Variants in CCDC178 observed in about 807,000 individuals in gnomAD.
The protein encoded by CCDC178 is coiled-coil domain-containing protein 178.
In CCDC178, 126 loss-of-function variants were observed where a neutral mutation model predicts 117.4. That is an observed-to-expected ratio of 1.07 (90% CI 0.93 to 1.24). CCDC178 has a LOEUF of 1.24. Among genes scored for constraint, CCDC178 ranks in the 50% most tolerant of loss-of-function variants. CCDC178 has a pLI of 0.00. For missense variants in CCDC178, 1,030 were observed against 986.9 expected (o/e 1.04, Z -0.59); for synonymous variants, 283 against 313.4 (o/e 0.90, Z 1.02).
intron 7 of CCDC178, 69 bp from the exon 8 acceptor site, chr18:33,349,044 C>G (rs887295863): frequency 8.9e-6 from 8 of 897,486 alleles, no homozygotes; most frequent in African/African-American, 1.7e-5. Context: ...TTAGGTTATG[C>G]TCTTCTATTG....
intron 2 of CCDC178, among the ~76,000 whole-genome samples, chr18:33,413,061 C>T (rs2063881934): frequency 6.6e-6 from 1 of 152,084 alleles, no homozygotes; most frequent in Admixed American, 6.5e-5. Context: ...AAGTGCTGAA[C>T]AGAAAGAAAA....
At chr18:33,378,391 T>G (rs2063392118) in intron 5 of CCDC178, among the ~76,000 whole-genome samples, 1 of 152,156 alleles carries the variant, frequency 6.6e-6, no homozygotes, top group Non-Finnish European at 1.5e-5. Context: ...AAAGGGACAA[T>G]GACTTCTTTT....
intron 18 of CCDC178, among the ~76,000 whole-genome samples, chr18:33,220,680 T>A (rs1306570494): frequency 6.6e-6 from 1 of 152,082 alleles, no homozygotes; most frequent in Non-Finnish European, 1.5e-5. Context: ...GTGTTTGCCC[T>A]TTGTCAGCAC....
intron 10 of CCDC178, among the ~76,000 whole-genome samples, chr18:33,330,529 G>A (rs2062653439): frequency 6.6e-6 from 1 of 152,070 alleles, no homozygotes; most frequent in Non-Finnish European, 1.5e-5. Context: ...TGATGGAGTA[G>A]CACAATAATG....
intron 21 of CCDC178, among the ~76,000 whole-genome samples, chr18:32,992,773 C>T (rs949995761): frequency 6.6e-6 from 1 of 151,930 alleles, no homozygotes; most frequent in African/African-American, 2.4e-5. Flanking sequence ...TGCATTTTAC[C>T]CCATAAATAT....
At chr18:33,259,414 G>A (rs760424079) in intron 14 of CCDC178, among the ~76,000 whole-genome samples, 9 of 152,146 alleles carry the variant, frequency 5.9e-5, no homozygotes, top group Non-Finnish European at 1.3e-4. Context: ...ATGAAGAAAT[G>A]AGGCTTCATG....
In CCDC178 at chr18:33,159,855, T is replaced by A. The variant is rs562106857; in HGVS notation, c.2238+52041A>T. Among the ~76,000 whole-genome samples, 269 of 152,202 alleles carry A rather than the reference T, an allele frequency of 1.8e-3. 2 individuals carry two copies. The highest frequency in any genetic ancestry group is 6.1e-3 in the African/African-American group (252 of 41,580). On this transcript the variant is annotated intron_variant, in intron 20 of 22. Transcript: ENST00000383096. ...AGGTAGAAATAAACAGGTTTTTAAA[T>A]ACTTAAATTATCTTTTTGGGTAGTT... is the stretch of plus-strand genomic sequence containing the variant.
intron 15 of CCDC178, among the ~76,000 whole-genome samples, chr18:33,231,158 G>A (rs941600239): frequency 2.0e-5 from 3 of 152,126 alleles, no homozygotes; most frequent in African/African-American, 4.8e-5. Flanking sequence ...CACTGATAAT[G>A]AGACAAACAT....
intron 6 of CCDC178, among the ~76,000 whole-genome samples, chr18:33,367,673 ACTGC>A (rs2063231274): frequency 2.0e-5 from 3 of 151,752 alleles, no homozygotes; most frequent in Admixed American, 6.6e-5. Context: ...TAGTTCAAAT[ACTGC>A]ATAGATTTGA....
Position 32,974,539 on chromosome 18 carries a change from T to C in CCDC178, c.2523+8A>G. The C allele has an allele frequency of 1.2e-6, 2 of 1,612,924 alleles. No individual in the cohort carries two copies. The highest frequency in any genetic ancestry group is 2.2e-5 in the South Asian group (2 of 91,052). On this transcript the variant is annotated splice_region_variant and intron_variant, in intron 22 of 22. Transcript: ENST00000383096. ...AATGATCTTTCCTACTTCCCTGCAATCACCTACCTGCACAGCTAATATTTT... is the reference window on the plus strand; with the variant it reads ...AATGATCTTTCCTACTTCCCTGCAACCACCTACCTGCACAGCTAATATTTT...
intron 20 of CCDC178, among the ~76,000 whole-genome samples, chr18:33,096,917 G>T (rs2057551066): frequency 6.6e-6 from 1 of 152,210 alleles, no homozygotes; most frequent in African/African-American, 2.4e-5. Flanking sequence ...TTGTAGCAAT[G>T]ATCTGAGACT....
At chr18:33,399,060 C>T (rs183448768) in intron 3 of CCDC178, among the ~76,000 whole-genome samples, 52 of 152,174 alleles carry the variant, frequency 3.4e-4, no homozygotes, top group African/African-American at 9.9e-4. Flanking sequence ...ATTAGCTGGA[C>T]GTGGTGGCAG....
intron 14 of CCDC178, among the ~76,000 whole-genome samples, chr18:33,263,559 A>T (rs2059776454): frequency 6.6e-6 from 1 of 152,254 alleles, no homozygotes; most frequent in East Asian, 1.9e-4. Context: ...AGAAGGAAAA[A>T]ATTCAGTAAT....
chr18:33,309,638 T>C (rs1808095145), intron 11 of CCDC178, among the ~76,000 whole-genome samples: 1 of 152,276 alleles, frequency 6.6e-6, no homozygotes, highest in South Asian at 2.1e-4. Flanking sequence ...TCATGATTTC[T>C]TTTTTCCTAG....
intron 21 of CCDC178, among the ~76,000 whole-genome samples, chr18:33,033,471 C>T (rs1196426889): frequency 1.3e-5 from 2 of 152,020 alleles, no homozygotes; most frequent in African/African-American, 2.4e-5. Flanking sequence ...GTGACTCTAC[C>T]TATGCCTTTG....
At chr18:33,194,118 G>C (rs2058896578) in intron 20 of CCDC178, among the ~76,000 whole-genome samples, 2 of 152,178 alleles carry the variant, frequency 1.3e-5, no homozygotes, top group African/African-American at 4.8e-5. Context: ...TTTTGGAGGA[G>C]ACAAACATTC....
intron 12 of CCDC178, among the ~76,000 whole-genome samples, chr18:33,271,279 CTAATT>C (rs1398895177): frequency 6.6e-6 from 1 of 151,358 alleles, no homozygotes; most frequent in African/African-American, 2.4e-5. Context: ...ATTAAACCCT[CTAATT>C]AAAGTATAGA....
At chr18:33,403,668 A>G (rs1447051598) in intron 3 of CCDC178, among the ~76,000 whole-genome samples, 1 of 152,244 alleles carries the variant, frequency 6.6e-6, no homozygotes, top group East Asian at 1.9e-4. Flanking sequence ...TCTTAGGTCC[A>G]TCAGTGAATT....
At chr18:33,314,896 G>A (rs2144968952) in intron 11 of CCDC178, among the ~76,000 whole-genome samples, 1 of 152,328 alleles carries the variant, frequency 6.6e-6, no homozygotes, top group Non-Finnish European at 1.5e-5. Context: ...ATTGCTGTCA[G>A]ATCTAAGATT....
Sources: allele counts gnomAD v4.1 joint callset (sites outside exome capture counted in the v4.1 genomes callset), GRCh38; gene constraint gnomAD v4.1.1; transcripts MANE v1.5; gene names NCBI Gene and HGNC (gene_info 2026-07-23, HGNC 2026-07-21).